The following PKD1L1 variants were observed in gnomAD, a reference collection of about 807,000 sequenced individuals.
The protein encoded by PKD1L1 is polycystin 1 like 1, transient receptor potential channel interacting, also known as polycystin-1-like protein 1.
In PKD1L1, 236 loss-of-function variants were observed where a neutral mutation model predicts 323.4. The observed-to-expected ratio is 0.73, with a 90% confidence interval of 0.66 to 0.81. The LOEUF is 0.81. Ranked by LOEUF, PKD1L1 falls within the 40% of genes least tolerant of loss-of-function variation. PKD1L1 has a pLI of 0.00. For missense variants in PKD1L1, 3,320 were observed against 3,508.0 expected (o/e 0.95, Z 1.35); for synonymous variants, 1,344 against 1,335.0 (o/e 1.01, Z -0.15).
intron 45 of PKD1L1, among the ~76,000 whole-genome samples, chr7:47,823,882 C>G (rs1785194676): frequency 1.3e-5 from 2 of 152,150 alleles, no homozygotes; most frequent in Admixed American, 1.3e-4. Context: ...TCTGAGTGTC[C>G]ACCAACATTG....
Position 47,862,137 on chromosome 7 carries a change from G to C in PKD1L1, c.4149+3079C>G, listed in dbSNP as rs1295175726. ...TTGAACCCGGAAGGCAGAGGTTTCA[G>C]TGAGCCAAGATTGTGCCACTACACT... On this transcript the variant is annotated intron_variant, in intron 26 of 56. Coordinates refer to ENST00000289672, the MANE Select transcript of PKD1L1 (RefSeq NM_138295.5). Among the ~76,000 whole-genome samples, 6 of 151,962 alleles carry C rather than the reference G, an allele frequency of 3.9e-5. No individual in the cohort carries two copies. In the East Asian group the frequency reaches 1.2e-3, roughly 29 times the overall value.
chr7:47,863,801 T>G (rs1326850429), intron 26 of PKD1L1, among the ~76,000 whole-genome samples: 1 of 151,988 alleles, frequency 6.6e-6, no homozygotes, highest in Non-Finnish European at 1.5e-5. Context: ...GGTGGGAGGA[T>G]GGCTTGAGTC....
At chr7:47,810,884 G>A (rs900305259) in intron 50 of PKD1L1, among the ~76,000 whole-genome samples, 3 of 152,334 alleles carry the variant, frequency 2.0e-5, no homozygotes, top group African/African-American at 7.2e-5. Flanking sequence ...AACTCCTAGT[G>A]TGGATATATG....
At chr7:47,798,910 A>G (rs1784601831) in intron 54 of PKD1L1, among the ~76,000 whole-genome samples, 1 of 152,246 alleles carries the variant, frequency 6.6e-6, no homozygotes, top group Non-Finnish European at 1.5e-5. Flanking sequence ...ACTGGCCTTT[A>G]TCAAAATTTA....
At chr7:47,862,759 A>G (rs1027106425) in intron 26 of PKD1L1, among the ~76,000 whole-genome samples, 1 of 152,102 alleles carries the variant, frequency 6.6e-6, no homozygotes, top group African/African-American at 2.4e-5. Context: ...TCAAGGCAGT[A>G]CCCCTGGAGG....
chr7:47,800,677 A>AT lies in PKD1L1; in HGVS notation c.8164dup (p.Ile2722AsnfsTer28). On this transcript the variant is annotated frameshift_variant, in exon 54 of 57. Transcript: ENST00000289672. LOFTEE classifies it high-confidence loss of function. ...TCCAAAACACAGTGTGGCAGAGACT[A>AT]TTAAAAGGATCCCAAAGTAACAAGC... 1 of 1,614,206 alleles carries AT rather than the reference A, an allele frequency of 6.2e-7. No individual in the cohort carries two copies. The highest frequency in any genetic ancestry group is 8.5e-7 in the Non-Finnish European group (1 of 1,180,028).
chr7:47,780,028 A>C (rs1786654691), intron 56 of PKD1L1, among the ~76,000 whole-genome samples: 1 of 139,112 alleles, frequency 7.2e-6, no homozygotes, highest in Admixed American at 7.5e-5. Context: ...GTTATTTTTT[A>C]ATTATTTTTT....
the PKD1L1 span, among the ~76,000 whole-genome samples, chr7:47,956,551 TG>T: frequency 6.6e-6 from 1 of 152,230 alleles, no homozygotes; most frequent in African/African-American, 2.4e-5. Context: ...TTACAATTTC[TG>T]GACAGACCTA....
chr7:47,932,032 T>G lies in PKD1L1; in HGVS notation c.423A>C (p.Ile141=). The change falls in exon 5 of 57, where the codon ATA becomes ATC. Residue 141 remains isoleucine (I), a synonymous_variant. Coordinates refer to ENST00000289672, the MANE Select transcript of PKD1L1 (RefSeq NM_138295.5). ...ADRIPHKPFI[I]IARAWSSGGP... ...CACCACTGCTCCAGGCCCTTGCGAT[T>G]ATAATGAAAGGTTTGTGGGGAATTC... 6 of 1,611,804 alleles carry G rather than the reference T, an allele frequency of 3.7e-6. No homozygotes were observed. The highest frequency in any genetic ancestry group is 4.2e-6 in the Non-Finnish European group (5 of 1,178,830).
rs1249916520 is a variant in PKD1L1 at position 47,929,538 on chromosome 7, A to G, written c.738-12T>C. On this transcript the variant is annotated splice_polypyrimidine_tract_variant and intron_variant, in intron 6 of 56. Transcript: ENST00000289672. ...GAAGGCCGTGGGAGCTGTGGGAGAG[A>G]GGGAGAGGCTTCAGATTTCATGACA... is the stretch of plus-strand genomic sequence containing the variant. 1 of 1,602,524 alleles carries G rather than the reference A, an allele frequency of 6.2e-7. No individual in the cohort carries two copies.
intron 28 of PKD1L1, 100 bp downstream of exon 28, chr7:47,857,504 GT>G (rs1484609247): frequency 2.9e-5 from 28 of 979,334 alleles, no homozygotes; most frequent in Middle Eastern, 6.1e-4. Context: ...CAAAAAACAG[GT>G]GCAAATATGC....
intron 1 of PKD1L1, among the ~76,000 whole-genome samples, chr7:47,944,263 TC>T (rs1455586033): frequency 6.6e-6 from 1 of 152,052 alleles, no homozygotes; most frequent in Non-Finnish European, 1.5e-5. Context: ...GTGTGGTATC[TC>T]CTCCCCTCCT....
chr7:47,881,278 A>G (rs1264954561), intron 20 of PKD1L1, among the ~76,000 whole-genome samples: 1 of 152,084 alleles, frequency 6.6e-6, no homozygotes, highest in Non-Finnish European at 1.5e-5. Context: ...ACCTCTCACT[A>G]CTTACCCTGA....
At chr7:47,847,623 T>C (rs1785692948) in intron 31 of PKD1L1, among the ~76,000 whole-genome samples, 1 of 152,176 alleles carries the variant, frequency 6.6e-6, no homozygotes, top group African/African-American at 2.4e-5. Flanking sequence ...TATTTAAAAA[T>C]TGCCCAAGAC....
intron 42 of PKD1L1, 96 bp downstream of exon 42, chr7:47,831,121 G>A (rs1312143798): frequency 1.4e-6 from 2 of 1,422,984 alleles, no homozygotes; most frequent in Non-Finnish European, 9.6e-7. Flanking sequence ...TCTGGAGCCT[G>A]CATCTGATGA....
At chr7:47,849,878 A>G (rs1240085019) in intron 31 of PKD1L1, among the ~76,000 whole-genome samples, 3 of 152,224 alleles carry the variant, frequency 2.0e-5, no homozygotes, top group Non-Finnish European at 2.9e-5. Flanking sequence ...AGCAACCTGG[A>G]TGGAGTTGGA....
intron 56 of PKD1L1, among the ~76,000 whole-genome samples, chr7:47,786,905 CA>C (rs1487251424): frequency 1.3e-5 from 2 of 152,040 alleles, no homozygotes; most frequent in African/African-American, 4.8e-5. Flanking sequence ...GCCGAGCTGG[CA>C]AGGGGGAGAA....
At chr7:47,796,730 G>A (rs1410231128) in intron 54 of PKD1L1, among the ~76,000 whole-genome samples, 1 of 151,846 alleles carries the variant, frequency 6.6e-6, no homozygotes. Context: ...GCTCATGCCT[G>A]TAATCCCAGC....
chr7:47,819,428 T>C, intron 46 of PKD1L1: 1 of 740,298 alleles, frequency 1.4e-6, no homozygotes, highest in South Asian at 1.8e-5. Context: ...AAAAATAAAC[T>C]AGCAAAAGCC....
Sources: gnomAD v4.1 joint callset for allele counts (sites outside exome capture counted in the v4.1 genomes callset) on GRCh38, gnomAD v4.1.1 for gene constraint, MANE v1.5 for transcripts, NCBI Gene and HGNC (gene_info 2026-07-23, HGNC 2026-07-21) for gene names.